The following SELENOF variants were observed in gnomAD, a reference collection of about 807,000 sequenced individuals.
SELENOF encodes 15 kDa selenoprotein.
In SELENOF, 16 loss-of-function variants were observed where a neutral mutation model predicts 20.5. The observed-to-expected ratio is 0.78, with a 90% CI of 0.53 to 1.19. The LOEUF is 1.19. Among genes scored for constraint, SELENOF ranks in the 50% most tolerant of loss-of-function variants. The pLI is 0.00. For synonymous variants in SELENOF, 78 were observed against 74.5 expected (o/e 1.05, Z -0.24); for missense variants, 215 against 194.2 (o/e 1.11, Z -0.64).
intron 3 of SELENOF, among the ~76,000 whole-genome samples, chr1:86,877,549 A>G (rs181322187): frequency 3.3e-5 from 5 of 152,338 alleles, no homozygotes; most frequent in Admixed American, 2.6e-4. Context: ...TATGTTTCAT[A>G]TATACCTTAT....
intron 1 of SELENOF, among the ~76,000 whole-genome samples, chr1:86,907,543 T>C (rs1659861617): frequency 6.6e-6 from 1 of 152,248 alleles, no homozygotes; most frequent in Admixed American, 6.5e-5. Flanking sequence ...CAAAAGTAAC[T>C]GATTGGCATT....
At chr1:86,910,120 C>G (rs74099341) in intron 1 of SELENOF, among the ~76,000 whole-genome samples, 178 of 152,316 alleles carry the variant, frequency 1.2e-3, no homozygotes, top group African/African-American at 4.0e-3. Context: ...GATAAAGAAA[C>G]AAAGGCCAAG....
intron 3 of SELENOF, 120 bp downstream of exon 3, chr1:86,880,542 A>G: frequency 3.6e-6 from 2 of 550,484 alleles, no homozygotes; most frequent in East Asian, 3.3e-5. Context: ...AAAAAAGCAT[A>G]TATTGTTAAG....
chr1:86,889,091 AAG>A (rs1338860725), intron 2 of SELENOF, among the ~76,000 whole-genome samples: 1 of 152,192 alleles, frequency 6.6e-6, no homozygotes, highest in African/African-American at 2.4e-5. Flanking sequence ...ATAATAATCC[AAG>A]AGTTTCAATA....
At chr1:86,899,905 A>G (rs1338521261) in intron 2 of SELENOF, among the ~76,000 whole-genome samples, 1 of 147,566 alleles carries the variant, frequency 6.8e-6, no homozygotes, top group Non-Finnish European at 1.5e-5. Context: ...CTCACCTCCC[A>G]GACGGGGTCG....
At chr1:86,905,648 G>GA in intron 1 of SELENOF, among the ~76,000 whole-genome samples, 1 of 152,280 alleles carries the variant, frequency 6.6e-6, no homozygotes, top group Admixed American at 6.5e-5. Context: ...CCTCACTTGT[G>GA]ACAGTTTTCA....
At chr1:86,904,220 C>T (rs946812757) in intron 1 of SELENOF, among the ~76,000 whole-genome samples, 1 of 152,114 alleles carries the variant, frequency 6.6e-6, no homozygotes, top group African/African-American at 2.4e-5. Context: ...CAGGCAAGAG[C>T]ACGCCAGAAT....
chr1:86,883,242 A>T (rs969435477), intron 2 of SELENOF, among the ~76,000 whole-genome samples: 1 of 152,194 alleles, frequency 6.6e-6, no homozygotes, highest in Non-Finnish European at 1.5e-5. Flanking sequence ...TGTTTAAATG[A>T]GGTAACTAGA....
intron 3 of SELENOF, among the ~76,000 whole-genome samples, chr1:86,871,949 C>CT (rs905998203): frequency 7.4e-4 from 111 of 149,258 alleles, no homozygotes; most frequent in African/African-American, 1.2e-3. Flanking sequence ...CTTAAAGAGA[C>CT]TTTTTTTTTT....
At chr1:86,863,907 C>G (rs1012225634) in intron 4 of SELENOF, among the ~76,000 whole-genome samples, 12 of 152,116 alleles carry the variant, frequency 7.9e-5, no homozygotes, top group African/African-American at 2.9e-4. Flanking sequence ...CTCCACCTCC[C>G]GATTTCAAGT....
intron 2 of SELENOF, among the ~76,000 whole-genome samples, chr1:86,899,590 G>A (rs1336689520): frequency 1.3e-5 from 2 of 150,972 alleles, no homozygotes; most frequent in Admixed American, 1.3e-4. Context: ...CGGGCAGGGG[G>A]CTGACCCCCC....
intron 2 of SELENOF, among the ~76,000 whole-genome samples, chr1:86,895,209 A>C (rs1236551489): frequency 6.6e-6 from 1 of 152,212 alleles, no homozygotes; most frequent in Non-Finnish European, 1.5e-5. Context: ...GGAATAAAAG[A>C]TACTGCTCCA....
intron 2 of SELENOF, among the ~76,000 whole-genome samples, chr1:86,882,552 G>T (rs999884772): frequency 1.3e-5 from 2 of 150,988 alleles, no homozygotes; most frequent in East Asian, 3.9e-4. Flanking sequence ...GTACACTGCT[G>T]TTGGGAATGA....
intron 3 of SELENOF, among the ~76,000 whole-genome samples, chr1:86,869,569 A>G (rs531480701): frequency 6.6e-6 from 1 of 152,140 alleles, no homozygotes; most frequent in African/African-American, 2.4e-5. Flanking sequence ...AGGCCTATAC[A>G]TGGGGCATTT....
At chr1:86,881,980 T>C (rs1289227204) in intron 2 of SELENOF, among the ~76,000 whole-genome samples, 2 of 152,098 alleles carry the variant, frequency 1.3e-5, no homozygotes, top group East Asian at 1.9e-4. Context: ...ATGCCTGTAA[T>C]TGCCGCTCTT....
chr1:86,889,966 T>C (rs1355162544), intron 2 of SELENOF, among the ~76,000 whole-genome samples: 1 of 152,224 alleles, frequency 6.6e-6, no homozygotes, highest in Non-Finnish European at 1.5e-5. Flanking sequence ...CTCCGCCTTA[T>C]CAACTATTGT....
At chr1:86,871,320 A>T (rs372138684) in intron 3 of SELENOF, among the ~76,000 whole-genome samples, 1 of 152,222 alleles carries the variant, frequency 6.6e-6, no homozygotes, top group African/African-American at 2.4e-5. Flanking sequence ...GTTCAGAGCA[A>T]GGAGATCTTA....
At chr1:86,877,256 G>A (rs923233488) in intron 3 of SELENOF, among the ~76,000 whole-genome samples, 2 of 152,090 alleles carry the variant, frequency 1.3e-5, no homozygotes, top group Non-Finnish European at 2.9e-5. Context: ...CTATAAGGTA[G>A]ATATTTAACC....
At chr1:86,877,534 T>C (rs1658953615) in intron 3 of SELENOF, among the ~76,000 whole-genome samples, 1 of 152,218 alleles carries the variant, frequency 6.6e-6, no homozygotes, top group South Asian at 2.1e-4. Context: ...AACCTGAAAT[T>C]CACTTATGTT....
Sources: allele counts gnomAD v4.1 joint callset (sites outside exome capture counted in the v4.1 genomes callset), GRCh38; gene constraint gnomAD v4.1.1; transcripts MANE v1.5; gene names NCBI Gene and HGNC (gene_info 2026-07-23, HGNC 2026-07-21).